The following PDE10A variants were observed in gnomAD, a reference collection of about 807,000 sequenced individuals.
The protein encoded by PDE10A is phosphodiesterase 10A, also known as cAMP and cAMP-inhibited cGMP 3',5'-cyclic phosphodiesterase 10A.
PDE10A carries 39 observed loss-of-function variants against 97.7 expected under a neutral mutation model. The observed-to-expected ratio is 0.40, with a 90% CI of 0.31 to 0.52. The LOEUF (loss-of-function observed/expected upper bound fraction) is 0.52. Among genes scored for constraint, PDE10A ranks in the 20% least tolerant of loss-of-function variants. The pLI is 0.56. For synonymous variants in PDE10A, 371 were observed against 376.8 expected, an observed-to-expected ratio of 0.98 and a Z score of 0.18; for missense variants, 731 against 1,047.8, an observed-to-expected ratio of 0.70 and a Z score of 4.17.
chr6:165,707,071 C>T (rs768216453), intron 1 of PDE10A, among the ~76,000 whole-genome samples: 11 of 152,230 alleles, frequency 7.2e-5, no homozygotes, highest in Non-Finnish European at 1.2e-4. Flanking sequence ...AACACAGGGA[C>T]TATTTTCCCA....
chr6:165,515,027 T>G (rs1781712593), intron 2 of PDE10A, among the ~76,000 whole-genome samples: 1 of 152,210 alleles, frequency 6.6e-6, no homozygotes, highest in Admixed American at 6.5e-5. Flanking sequence ...CAATTTTCAA[T>G]GTGTAGTTCA....
At chr6:165,757,650 G>A (rs1027364) in intron 1 of PDE10A, among the ~76,000 whole-genome samples, 107,963 of 151,882 alleles carry the variant, frequency 0.71, 39,343 homozygotes, top group Middle Eastern at 0.85. Flanking sequence ...TTGTGTATTT[G>A]TATCTATTTC....
chr6:165,750,320 T>C (rs1792968287), intron 1 of PDE10A, among the ~76,000 whole-genome samples: 1 of 152,182 alleles, frequency 6.6e-6, no homozygotes, highest in African/African-American at 2.4e-5. Context: ...CATTGACAAC[T>C]GAAACGTGGA....
At position 165,907,065 on chromosome 6, in the gene PDE10A, GTTAGGAGGAC is replaced by G. The variant is rs376666683; in HGVS notation, c.-615+80454_-615+80463del. ...AGGCAATCACAGAGCAGGGCCTTGT[GTTAGGAGGAC>G]TCCTCTGCATATTTTCAACTAGGTT... On this transcript the variant is annotated intron_variant, in intron 1 of 19. Coordinates refer to the PDE10A transcript ENST00000366882. Among the ~76,000 whole-genome samples the G allele has an allele frequency of 4.9e-3, 742 of 152,314 alleles. 2 individuals are homozygous for G. Among genetic ancestry groups the G allele is most frequent in the African/African-American group, 0.017 (693 of 41,568 alleles).
intron 17 of PDE10A, among the ~76,000 whole-genome samples, chr6:165,387,192 A>G (rs893275258): frequency 5.3e-4 from 80 of 152,176 alleles, no homozygotes; most frequent in African/African-American, 1.9e-3. Context: ...CCTACTGGGG[A>G]TGGCTTGAAA....
intron 5 of PDE10A, among the ~76,000 whole-genome samples, chr6:165,444,234 T>C (rs979511042): frequency 2.0e-5 from 3 of 152,214 alleles, no homozygotes; most frequent in African/African-American, 7.2e-5. Context: ...CTTTCCTTCA[T>C]CTTCCTGTCT....
chr6:165,504,348 C>T (rs140475633), intron 2 of PDE10A, among the ~76,000 whole-genome samples: 7,603 of 152,056 alleles, frequency 0.05, 281 homozygotes, highest in South Asian at 0.09. Context: ...AAAAATTAAA[C>T]CGTGATAGCA....
At chr6:165,379,979 A>C (rs1337262656) in intron 17 of PDE10A, among the ~76,000 whole-genome samples, 1 of 152,204 alleles carries the variant, frequency 6.6e-6, no homozygotes, top group Non-Finnish European at 1.5e-5. Context: ...CAATTCTAGG[A>C]CCATCTTCTA....
Position 165,682,525 on chromosome 6 carries a change from T to C in PDE10A, c.-614-138957A>G, listed in dbSNP as rs565116919. On this transcript the variant is annotated intron_variant, in intron 1 of 19. Transcript: ENST00000366882. ...TGATAAGGTCGTGAAGGTGGAGCCC[T>C]CATAAATGGGATTAGTGCCTTCATA... Among the ~76,000 whole-genome samples, 7 of 152,214 alleles carry C rather than the reference T, an allele frequency of 4.6e-5. No homozygotes were observed. In the East Asian group the frequency reaches 1.2e-3, roughly 25 times the overall value.
chr6:165,432,967 G>C lies in PDE10A; in HGVS notation c.1491+7C>G, dbSNP rs772414718. 86 of 1,611,806 alleles carry C rather than the reference G, an allele frequency of 5.3e-5. No homozygotes were observed. The Middle Eastern group carries it at 6.6e-4, about 12-fold the overall frequency. On this transcript the variant is annotated splice_region_variant and intron_variant, in intron 7 of 21. Coordinates refer to ENST00000539869, the MANE Select transcript of PDE10A (RefSeq NM_001385079.1). ...AAATTCTAACATGCAGCATTTAAAG[G>C]CCTTACCTCCTGGTGACTAAGACAG... is the stretch of plus-strand genomic sequence containing the variant.
intron 1 of PDE10A, among the ~76,000 whole-genome samples, chr6:165,756,898 A>G (rs1231866352): frequency 6.6e-6 from 1 of 151,694 alleles, no homozygotes; most frequent in Non-Finnish European, 1.5e-5. Context: ...CAGGATCACT[A>G]TTATTTCTTT....
intron 1 of PDE10A, among the ~76,000 whole-genome samples, chr6:165,715,856 C>A (rs557160040): frequency 1.3e-5 from 2 of 152,180 alleles, no homozygotes; most frequent in Admixed American, 6.5e-5. Flanking sequence ...TGTGGCATCA[C>A]GAATGTTACT....
At chr6:165,368,861 G>T (rs572793796) in intron 18 of PDE10A, among the ~76,000 whole-genome samples, 1 of 152,132 alleles carries the variant, frequency 6.6e-6, no homozygotes, top group Non-Finnish European at 1.5e-5. Flanking sequence ...CACACGGCCC[G>T]GTACTCCTCT....
At chr6:165,484,383 A>G (rs632065) in intron 2 of PDE10A, among the ~76,000 whole-genome samples, 44,074 of 152,206 alleles carry the variant, frequency 0.29, 6,804 homozygotes, top group African/African-American at 0.39. Flanking sequence ...CCGTATTCAC[A>G]ACTGCTCTCT....
chr6:165,877,076 G>A (rs1332780264), intron 1 of PDE10A, among the ~76,000 whole-genome samples: 1 of 152,108 alleles, frequency 6.6e-6, no homozygotes, highest in African/African-American at 2.4e-5. Flanking sequence ...TTTAGTTTGA[G>A]GGAAAAACAA....
At chr6:165,399,643 T>A (rs1216359132) in intron 13 of PDE10A, among the ~76,000 whole-genome samples, 1 of 150,952 alleles carries the variant, frequency 6.6e-6, no homozygotes, top group Non-Finnish European at 1.5e-5. Flanking sequence ...TTCTCATTGT[T>A]CAATTCCCAC....
chr6:165,420,362 A>G (rs2128231572), intron 10 of PDE10A, among the ~76,000 whole-genome samples: 1 of 152,198 alleles, frequency 6.6e-6, no homozygotes, highest in African/African-American at 2.4e-5. Flanking sequence ...TTGCCAACAA[A>G]CCCCTGGCTT....
At chr6:165,547,779 A>G (rs1783810577) in intron 1 of PDE10A, among the ~76,000 whole-genome samples, 1 of 152,176 alleles carries the variant, frequency 6.6e-6, no homozygotes, top group Non-Finnish European at 1.5e-5. Flanking sequence ...CATCAGTAAA[A>G]ATAAATAACA....
At chr6:165,429,258 G>C (rs190674865) in intron 9 of PDE10A, among the ~76,000 whole-genome samples, 1 of 151,938 alleles carries the variant, frequency 6.6e-6, no homozygotes, top group Non-Finnish European at 1.5e-5. Flanking sequence ...TATGAACAGC[G>C]AGTAAATGTT....
Sources: gnomAD v4.1 joint callset for allele counts (sites outside exome capture counted in the v4.1 genomes callset) on GRCh38, gnomAD v4.1.1 for gene constraint, MANE v1.5 for transcripts, NCBI Gene and HGNC (gene_info 2026-07-23, HGNC 2026-07-21) for gene names.